TEX15: variants seen among roughly 807,000 people sequenced by gnomAD.
The protein encoded by TEX15 is testis expressed 15, meiosis and synapsis associated.
Under a neutral mutation model 237.3 loss-of-function variants are expected in TEX15, and 171 were observed. The observed-to-expected ratio is 0.72, with a 90% CI of 0.64 to 0.82. The LOEUF is 0.82. TEX15 is among the 40% of genes least tolerant of loss of function. TEX15 has a pLI of 0.00. For missense variants in TEX15, 3,750 were observed against 3,646.5 expected, an observed-to-expected ratio of 1.03 and a Z score of -0.73; for synonymous variants, 1,338 against 1,269.8, an observed-to-expected ratio of 1.05 and a Z score of -1.14.
Position 30,875,011 on chromosome 8 carries a change from C to A in TEX15, c.228G>T (p.Leu76=). The A allele has an allele frequency of 5.0e-6, 7 of 1,395,280 alleles. No homozygotes were observed. The highest frequency in any genetic ancestry group is 6.5e-6 in the Non-Finnish European group (7 of 1,073,748). 86.4% of individuals were successfully genotyped at this position (1,395,280 alleles called of 1,614,324 possible). A position where few individuals can be genotyped will look rare whatever the true frequency, so the allele number is the denominator to read the frequency against. ...TATCCCCAAACTGCCATAACGACTG[C>A]AGATCACAGTTTACATCAAGCCTGC... ...NQCRLDVNCD[L]QSLWQFGDTK... is the part of the protein sequence containing the mutation. The change falls in exon 4 of 11, where the codon CTG becomes CTT. Residue 76 remains leucine, a synonymous_variant. Transcript: ENST00000643185.
At chr8:30,877,469 T>C (rs1388648035) in intron 3 of TEX15, among the ~76,000 whole-genome samples, 1 of 152,254 alleles carries the variant, frequency 6.6e-6, no homozygotes, top group South Asian at 2.1e-4. Flanking sequence ...TAAAACACTA[T>C]AACCAGCTGA....
At position 30,875,015 on chromosome 8, in the gene TEX15, TCA is replaced by T. The variant is rs1808372623; in HGVS notation, c.222_223del (p.Cys74Ter). ...CCCAAACTGCCATAACGACTGCAGA[TCA>T]CAGTTTACATCAAGCCTGCACTGGT... On this transcript the variant is annotated stop_gained and frameshift_variant, in exon 4 of 11. Transcript: ENST00000643185. LOFTEE classifies it high-confidence loss of function. The T allele has an allele frequency of 7.1e-7, 1 of 1,398,666 alleles. No individual in the cohort carries two copies. The highest frequency in any genetic ancestry group is 1.5e-5 in the African/African-American group (1 of 68,928). 86.6% of individuals were successfully genotyped at this position (1,398,666 alleles called of 1,614,324 possible).
In TEX15 at chr8:30,873,450, G is replaced by A. The variant is rs751125620; in HGVS notation, c.302+1487C>T. 7.4e-4 allele frequency among the ~76,000 whole-genome samples: 113 copies of A among 152,082 alleles called. 1 individual carries two copies. The highest frequency in any genetic ancestry group is 3.4e-3 in the Middle Eastern group (1 of 294). ...GGCACTCTAATATGCTGAGTTTTTGGTAGAAATTTTCTCAAAAACTACAGC... is the reference window on the plus strand; with the variant it reads ...GGCACTCTAATATGCTGAGTTTTTGATAGAAATTTTCTCAAAAACTACAGC... On this transcript the variant is annotated intron_variant, in intron 4 of 10. Transcript: ENST00000643185.
chr8:30,837,106 T>A lies in TEX15; in HGVS notation c.9178A>T (p.Thr3060Ser). ...TCATATGATGTTATCCCTTGGTATG[T>A]CTGGGTAATGGCATTGCCATTGCTG... is the stretch of plus-strand genomic sequence containing the variant. ...SNSNGNAITQTYQGITSYEVQ... is the reference protein window; with the variant it reads ...SNSNGNAITQSYQGITSYEVQ... Residue 3060 changes from threonine (T) to serine (S), a missense_variant, in exon 10 of 11, where the codon ACA becomes TCA. Physicochemically the swap from Thr to Ser is moderately conservative, Grantham distance 58 (BLOSUM62 1). Transcript: ENST00000643185. 1 of 1,614,132 alleles carries A rather than the reference T, an allele frequency of 6.2e-7. No homozygotes were observed. The highest frequency in any genetic ancestry group is 1.1e-5 in the South Asian group (1 of 91,082).
rs1807574855 is a variant in TEX15, at chr8:30,845,313, T to C, written c.4854A>G (p.Val1618=). 1.9e-6 allele frequency: 3 copies of C among 1,613,004 alleles called. No homozygotes were observed. The highest frequency in any genetic ancestry group is 2.5e-6 in the Non-Finnish European group (3 of 1,179,380). ...TGTTTTCTTTTATGCAACTTAAAGA[T>C]ACAGAATTACTTTCATTTATTACTT... ...ANEVINESNS[V]SLSCIKENIN... Residue 1618 remains valine, a synonymous_variant, in exon 8 of 11, where the codon GTA becomes GTG. Coordinates refer to ENST00000643185, the MANE Select transcript of TEX15 (RefSeq NM_001350162.2).
chr8:30,843,855 C>T lies in TEX15; in HGVS notation c.6312G>A (p.Trp2104Ter). 1 of 1,612,362 alleles carries T rather than the reference C, an allele frequency of 6.2e-7. No homozygotes were observed. The highest frequency in any genetic ancestry group is 8.5e-7 in the Non-Finnish European group (1 of 1,179,266). ...EGEPTLRSLL[W>*]YDETLYAELL... is the part of the protein sequence containing the mutation. ...GCTCAGCATACAGTGTTTCATCATA[C>T]CAAAGCAAGCTTCGCAATGTTGGTT... Residue 2104 changes from tryptophan (W) to a stop codon, truncating the protein, a stop_gained, in exon 8 of 11, where the codon TGG (tryptophan) becomes TGA (stop). Transcript: ENST00000643185. LOFTEE classifies it high-confidence loss of function.
Position 30,848,371 on chromosome 8 carries a change from G to A in TEX15, c.1796C>T (p.Thr599Met), listed in dbSNP as rs199955618. 68 of 1,614,064 alleles carry A rather than the reference G, an allele frequency of 4.2e-5. No homozygotes were observed. The Admixed American group carries it at 6.5e-4, about 15-fold the overall frequency. The change falls in exon 8 of 11, where the codon ACG becomes ATG. Residue 599 changes from threonine (T) to methionine (M), a missense_variant. By Grantham distance (81) the Thr-to-Met change is moderately conservative. Transcript: ENST00000643185. ...CTTTTTGAGTGGAAAAACTGTAGAC[G>A]TTTGGCAACCAGTCTGATAAATTGT... ...LKTIYQTGCQTSTVFPLKKKV... is the reference protein window; with the variant it reads ...LKTIYQTGCQMSTVFPLKKKV...
In TEX15 at chr8:30,844,399, T is replaced by A; in HGVS notation, c.5768A>T (p.Glu1923Val). Reference sequence around the variant, plus strand: ...ACTAACTTTAATTTCCCCCTTCTTCTCTCTTTTGTTAAGCGGATTAGAAAC... The same window carrying A: ...ACTAACTTTAATTTCCCCCTTCTTCACTCTTTTGTTAAGCGGATTAGAAAC... ...NTVSNPLNKR[E>V]KKGEIKVSKD... Residue 1923 changes from glutamate to valine, a missense_variant, in exon 8 of 11, where the codon GAG becomes GTG. Physicochemically the swap from Glu to Val is moderately radical, Grantham distance 121. Transcript: ENST00000643185. 1 of 1,610,220 alleles carries A rather than the reference T, an allele frequency of 6.2e-7. No homozygotes were observed. The highest frequency in any genetic ancestry group is 8.5e-7 in the Non-Finnish European group (1 of 1,178,626).
At chr8:30,899,010 T>C (rs1303084620) in intron 1 of TEX15, among the ~76,000 whole-genome samples, 193 bp from the exon 2 acceptor site, 1 of 152,104 alleles carries the variant, frequency 6.6e-6, no homozygotes. Flanking sequence ...CTCTCAAGCC[T>C]TTCCATTCCT....
rs755905806 is a variant in TEX15, at chr8:30,858,719, G to T, written c.799C>A (p.Arg267Ser). Residue 267 changes from arginine (R) to serine (S), a missense_variant, in exon 7 of 11, where the codon CGC becomes AGC. Physicochemically the swap from Arg to Ser is moderately radical, Grantham distance 110. Coordinates refer to ENST00000643185, the MANE Select transcript of TEX15 (RefSeq NM_001350162.2). ...KFLGSKVDNG[R>S]LMTSLRFLST... Reference sequence around the variant, plus strand: ...AGGAATCTCAAAGATGTCATAAGGCGTCCATTATCTACTTTTGAACCAAGA... The same window carrying T: ...AGGAATCTCAAAGATGTCATAAGGCTTCCATTATCTACTTTTGAACCAAGA... 1 of 1,535,704 alleles carries T rather than the reference G, an allele frequency of 6.5e-7. No homozygotes were observed. Among genetic ancestry groups the T allele is most frequent in the Admixed American group, 2.0e-5 (1 of 50,986 alleles).
intron 2 of TEX15, chr8:30,887,893 T>C (rs1158397061): frequency 9.3e-5 from 2 of 21,614 alleles, no homozygotes; most frequent in East Asian, 7.2e-4. Flanking sequence ...ATATTTCATA[T>C]ATATATATAT....
rs1807964997 is a variant in TEX15 at position 30,858,586 on chromosome 8, T to C, written c.850+82A>G. 7 of 1,232,714 alleles carry C rather than the reference T, an allele frequency of 5.7e-6. No individual in the cohort carries two copies. In the East Asian group the frequency reaches 7.9e-5, roughly 14 times the overall value. The allele number at this position is 1,232,714 out of a possible 1,614,324, so 76.4% of individuals were successfully genotyped here. ...GTGCTAGGATTACAGGTGTGAACCA[T>C]TGTGTCCAGCCAGTAAATAATACTG... On this transcript the variant is annotated intron_variant, in intron 7 of 10. Transcript: ENST00000643185.
chr8:30,888,370 G>A (rs998376588), intron 2 of TEX15, among the ~76,000 whole-genome samples: 3 of 152,138 alleles, frequency 2.0e-5, no homozygotes, highest in African/African-American at 4.8e-5. Flanking sequence ...GCCAACAACA[G>A]CCAATCGCTT....
chr8:30,845,284 T>C lies in TEX15; in HGVS notation c.4883A>G (p.Asn1628Ser). The C allele has an allele frequency of 6.2e-7, 1 of 1,613,238 alleles. No homozygotes were observed. The highest frequency in any genetic ancestry group is 8.5e-7 in the Non-Finnish European group (1 of 1,179,482). Residue 1628 changes from asparagine to serine, a missense_variant, in exon 8 of 11, where the codon AAT (asparagine) becomes AGT (serine). Transcript: ENST00000643185. Reference protein sequence around the residue: ...VSLSCIKENINSSTGNDCDAT... With the variant: ...VSLSCIKENISSSTGNDCDAT... Reference sequence around the variant, plus strand: ...ATCACAATCGTTGCCTGTACTAGAATTTATGTTTTCTTTTATGCAACTTAA... The same window carrying C: ...ATCACAATCGTTGCCTGTACTAGAACTTATGTTTTCTTTTATGCAACTTAA...
Position 30,858,800 on chromosome 8 carries a change from T to C in TEX15, c.718A>G (p.Lys240Glu). Residue 240 changes from lysine (K) to glutamate (E), a missense_variant, in exon 7 of 11, where the codon AAG becomes GAG. Physicochemically the swap from Lys to Glu is moderately conservative, Grantham distance 56 (BLOSUM62 1). Coordinates refer to ENST00000643185, the MANE Select transcript of TEX15 (RefSeq NM_001350162.2). ...VYFYEYSVLS[K>E]PVDKPRQCLP... is the part of the protein sequence containing the mutation. ...CATTGCCTAGGTTTATCTACAGGCT[T>C]TGAAAGGACACTGTATTCATAGAAG... The C allele has an allele frequency of 6.5e-7, 1 of 1,535,166 alleles. No homozygotes were observed. The highest frequency in any genetic ancestry group is 8.7e-7 in the Non-Finnish European group (1 of 1,146,528).
rs768265138 is a variant in TEX15, at chr8:30,847,833, G to A, written c.2334C>T (p.Phe778=). ...PKDIPQAKEM[F]IDTVISSYNI... is the part of the protein sequence containing the mutation. ...TATAAGATGAAATAACTGTATCAAT[G>A]AACATTTCTTTGGCCTGGGGTATGT... The change falls in exon 8 of 11, where the codon TTC becomes TTT. Residue 778 remains phenylalanine, a synonymous_variant. Coordinates refer to ENST00000643185, the MANE Select transcript of TEX15 (RefSeq NM_001350162.2). The A allele has an allele frequency of 5.6e-6, 9 of 1,613,824 alleles. No individual in the cohort carries two copies. In the South Asian group the frequency reaches 9.9e-5, roughly 18 times the overall value.
At chr8:30,885,657 T>G (rs561273427) in intron 3 of TEX15, among the ~76,000 whole-genome samples, 122 of 152,306 alleles carry the variant, frequency 8.0e-4, no homozygotes, top group African/African-American at 2.7e-3. Context: ...GTGAGTCCTG[T>G]GTGTGCTTGA....
At chr8:30,864,173 A>T (rs1808109165) in intron 5 of TEX15, among the ~76,000 whole-genome samples, 1 of 152,018 alleles carries the variant, frequency 6.6e-6, no homozygotes, top group Admixed American at 6.6e-5. Context: ...TAAAATGAAC[A>T]GCTCTCTAGA....
Position 30,837,669 on chromosome 8 carries a change from TG to T in TEX15, c.8614del (p.Gln2872LysfsTer8). On this transcript the variant is annotated frameshift_variant, in exon 10 of 11. Transcript: ENST00000643185. LOFTEE classifies it high-confidence loss of function. ...GTTTATATCAGAAAGGCAGGATTTT[TG>T]GGTGGGATCTGGGGAATTTTTAAGA... ...KFLKNSPDPT[Q>X]KSCLSDINPE... is the part of the protein sequence containing the mutation. 1 of 1,614,002 alleles carries T rather than the reference TG, an allele frequency of 6.2e-7. No homozygotes were observed. The highest frequency in any genetic ancestry group is 8.5e-7 in the Non-Finnish European group (1 of 1,179,978).
Sources: allele counts gnomAD v4.1 joint callset (sites outside exome capture counted in the v4.1 genomes callset), GRCh38; gene constraint gnomAD v4.1.1; transcripts MANE v1.5; gene names NCBI Gene and HGNC (gene_info 2026-07-23, HGNC 2026-07-21).